Variants in PACS2 observed in about 807,000 individuals in gnomAD.
The protein encoded by PACS2 is phosphofurin acidic cluster sorting protein 2.
PACS2 carries 36 observed loss-of-function variants against 113.0 expected under a neutral mutation model. The observed-to-expected ratio is 0.32, with a 90% confidence interval of 0.24 to 0.42. The LOEUF (loss-of-function observed/expected upper bound fraction) is 0.42. Ranked by LOEUF, PACS2 falls within the 10% of genes least tolerant of loss-of-function variation. PACS2 has a pLI of 1.00. For synonymous variants in PACS2, 589 were observed against 536.1 expected, an observed-to-expected ratio of 1.10 and a Z score of -1.36; for missense variants, 1,015 against 1,239.5, an observed-to-expected ratio of 0.82 and a Z score of 2.72.
At position 105,356,675 on chromosome 14, in the gene PACS2, C is replaced by T. The variant is rs1458145712; in HGVS notation, c.423+1498C>T. On this transcript the variant is annotated intron_variant, in intron 4 of 24. Coordinates refer to ENST00000447393, the MANE Select transcript of PACS2 (RefSeq NM_001100913.3). The surrounding 1 kb of genome is among the most constrained non-coding windows in gnomAD (Gnocchi z 4.0). ...TCCCATTAGCCATGCAGGCGAGGTC[C>T]TGCTGATCCCTGCCGGTCCCTGTGT... Among the ~76,000 whole-genome samples, 1 of 152,054 alleles carries T rather than the reference C, an allele frequency of 6.6e-6. No homozygotes were observed. Among genetic ancestry groups the T allele is most frequent in the Non-Finnish European group, 1.5e-5 (1 of 67,982 alleles).
At chr14:105,390,526 G>A (rs1467424691) in intron 20 of PACS2, 6 of 176,294 alleles carry the variant, frequency 3.4e-5, no homozygotes, top group Admixed American at 2.2e-4. Flanking sequence ...CTGTTGTGTG[G>A]CCTCCCTCCC....
At chr14:105,383,928 G>A (rs114982170) in intron 16 of PACS2, 30 of 265,864 alleles carry the variant, frequency 1.1e-4, no homozygotes, top group Non-Finnish European at 1.7e-4. Flanking sequence ...CTGTGTCGTC[G>A]AACTCCATTA....
intron 1 of PACS2, among the ~76,000 whole-genome samples, chr14:105,308,873 C>T (rs909842879): frequency 5.9e-5 from 9 of 151,962 alleles, no homozygotes; most frequent in African/African-American, 2.2e-4. Flanking sequence ...CTTTGAGAGG[C>T]TGAGGCAGGA....
chr14:105,384,767 C>G (rs587690338), intron 17 of PACS2, 112 bp from the exon 18 acceptor site: 2 of 718,246 alleles, frequency 2.8e-6, no homozygotes. Flanking sequence ...CGAGCCCTGC[C>G]GCGCTTCGGG....
In PACS2 at chr14:105,323,864, G is replaced by T. The variant is rs1340083101; in HGVS notation, c.119+8827G>T. On this transcript the variant is annotated intron_variant, in intron 1 of 24. Transcript: ENST00000447393. The surrounding 1 kb of genome is among the most constrained non-coding windows in gnomAD (Gnocchi z 4.1). ...AAGGGGCAGCAGGACGGTGCCCGTA[G>T]CCCTGGAGGCCTTGGGGATTCGGAG... Among the ~76,000 whole-genome samples, 1 of 152,248 alleles carries T rather than the reference G, an allele frequency of 6.6e-6. No individual in the cohort carries two copies. The highest frequency in any genetic ancestry group is 1.5e-5 in the Non-Finnish European group (1 of 68,044).
chr14:105,335,372 C>T (rs587775342), intron 1 of PACS2, among the ~76,000 whole-genome samples: 20 of 146,850 alleles, frequency 1.4e-4, no homozygotes, highest in African/African-American at 4.5e-4. Context: ...CTGTGGCCGG[C>T]GCCTGGCGTG....
chr14:105,303,922 C>G (rs1186651102), intron 1 of PACS2, among the ~76,000 whole-genome samples: 1 of 152,214 alleles, frequency 6.6e-6, no homozygotes, highest in African/African-American at 2.4e-5. Flanking sequence ...GTGACAGCCC[C>G]AAATCTCATA....
intron 4 of PACS2, among the ~76,000 whole-genome samples, chr14:105,359,295 C>G (rs1595690051): frequency 1.3e-5 from 2 of 151,652 alleles, no homozygotes; most frequent in East Asian, 1.9e-4. Flanking sequence ...TTTATTTTTA[C>G]TGTGCTTTTT....
Position 105,365,921 on chromosome 14 carries a change from G to A in PACS2, c.424-1292G>A, listed in dbSNP as rs781964429. ...GCACGAGGGCGTCAGCAGTGGGTGC[G>A]AGTGTTGGCAGAAGCTGCCAGCTGC... On this transcript the variant is annotated intron_variant, in intron 4 of 24. Coordinates refer to ENST00000447393, the MANE Select transcript of PACS2 (RefSeq NM_001100913.3). This position sits in a 1 kb window ranked among gnomAD's most constrained non-coding sequence, Gnocchi z 5.1. Among the ~76,000 whole-genome samples the A allele has an allele frequency of 2.6e-5, 4 of 152,272 alleles. No individual in the cohort carries two copies. Among genetic ancestry groups the A allele is most frequent in the African/African-American group, 4.8e-5 (2 of 41,466 alleles).
rs985208066 is a variant in PACS2 at position 105,324,978 on chromosome 14, G to C, written c.119+9941G>C. Among the ~76,000 whole-genome samples the C allele has an allele frequency of 2.0e-5, 3 of 152,064 alleles. No individual in the cohort carries two copies. Among genetic ancestry groups the C allele is most frequent in the African/African-American group, 7.2e-5 (3 of 41,398 alleles). ...TGCTGGGGGTGCACACGGGCCTGGG[G>C]CTGAGCAACCCGCTCTGGGCCTGGC... On this transcript the variant is annotated intron_variant, in intron 1 of 24. Coordinates refer to ENST00000447393, the MANE Select transcript of PACS2 (RefSeq NM_001100913.3). The surrounding 1 kb of genome is among the most constrained non-coding windows in gnomAD (Gnocchi z 4.7).
intron 1 of PACS2, among the ~76,000 whole-genome samples, chr14:105,321,487 C>T (rs1288705546): frequency 5.9e-5 from 9 of 152,030 alleles, no homozygotes; most frequent in Admixed American, 3.9e-4. Flanking sequence ...CTCAGCTTCC[C>T]GAGTAGCTGG....
intron 2 of PACS2, 24 bp from the exon 3 acceptor site, chr14:105,352,354 A>G: frequency 1.3e-6 from 2 of 1,510,734 alleles, no homozygotes; most frequent in Non-Finnish European, 1.8e-6. Context: ...CCTTTGAGCT[A>G]GAACAGGTCT....
intron 19 of PACS2, among the ~76,000 whole-genome samples, chr14:105,387,022 C>T (rs1026537015): frequency 6.6e-6 from 1 of 152,186 alleles, no homozygotes; most frequent in Non-Finnish European, 1.5e-5. Context: ...GGGGGCCTTA[C>T]ACCCACTCCC....
rs371101964 is a variant in PACS2, at chr14:105,354,055, T to C, written c.298-997T>C. On this transcript the variant is annotated intron_variant, in intron 3 of 24. Transcript: ENST00000447393. The surrounding 1 kb of genome is among the most constrained non-coding windows in gnomAD (Gnocchi z 4.2). ...GTGAGCTGAGATCATGCCATAGCAC[T>C]CCAGCCTGGGGGACAGAGTGAGACT... Among the ~76,000 whole-genome samples the C allele has an allele frequency of 5.9e-5, 9 of 151,652 alleles. No homozygotes were observed. Among genetic ancestry groups the C allele is most frequent in the African/African-American group, 2.2e-4 (9 of 41,276 alleles).
At chr14:105,316,940 TC>T (rs1258658183) in intron 1 of PACS2, among the ~76,000 whole-genome samples, 9 of 152,146 alleles carry the variant, frequency 5.9e-5, no homozygotes, top group Non-Finnish European at 1.0e-4. Flanking sequence ...TGCAGTTTGT[TC>T]GTAGGACATG....
At chr14:105,359,300 CTT>C (rs1241481732) in intron 4 of PACS2, among the ~76,000 whole-genome samples, 6 of 141,560 alleles carry the variant, frequency 4.2e-5, no homozygotes, top group Admixed American at 7.1e-5. Context: ...TTTTACTGTG[CTT>C]TTTTTTTTTT....
intron 2 of PACS2, among the ~76,000 whole-genome samples, chr14:105,349,341 T>C (rs1451254072): frequency 1.3e-5 from 2 of 152,162 alleles, no homozygotes; most frequent in East Asian, 3.9e-4. Flanking sequence ...TACAGGAGTG[T>C]CCTTCTGTGT....
At chr14:105,314,157 C>T (rs2058440671), upstream of PACS2, among the ~76,000 whole-genome samples, 1 of 152,190 alleles carries the variant, frequency 6.6e-6, no homozygotes, top group Non-Finnish European at 1.5e-5. Context: ...TGCCACCTCC[C>T]TGCGTCCCGG....
rs73361067 is a variant in PACS2, at chr14:105,389,601, C to T, written c.2034-360C>T. 169 of 276,472 alleles carry T rather than the reference C, an allele frequency of 6.1e-4. 2 individuals carry two copies. The highest frequency in any genetic ancestry group is 3.1e-3 in the African/African-American group (148 of 46,988). 17.1% of individuals were successfully genotyped at this position (276,472 alleles called of 1,614,324 possible). ...TTGGTGGGGAAGTGGAAATGCAAGC[C>T]GGACAGGGCTGAGCTGGCTGTGTGG... On this transcript the variant is annotated intron_variant, in intron 19 of 24. Transcript: ENST00000447393.
Sources: gnomAD v4.1 joint callset for allele counts (sites outside exome capture counted in the v4.1 genomes callset) on GRCh38, gnomAD v4.1.1 for gene constraint, Gnocchi (gnomAD v3.1) non-coding constraint, MANE v1.5 for transcripts, NCBI Gene and HGNC (gene_info 2026-07-23, HGNC 2026-07-21) for gene names.